The following DNAH7 variants were observed in gnomAD, a reference collection of about 807,000 sequenced individuals.
DNAH7 encodes axonemal beta dynein heavy chain 7.
In DNAH7, 397 loss-of-function variants were observed where a neutral mutation model predicts 444.6. The observed-to-expected ratio is 0.89, with a 90% CI of 0.82 to 0.97. The LOEUF (loss-of-function observed/expected upper bound fraction) is 0.97, where lower values mean the gene tolerates loss of function less well. Ranked by LOEUF, DNAH7 falls within the 50% of genes least tolerant of loss-of-function variation. DNAH7 has a pLI of 0.00. For missense variants in DNAH7, 4,902 were observed against 4,800.8 expected, an observed-to-expected ratio of 1.02 and a Z score of -0.62; for synonymous variants, 1,636 against 1,624.4, an observed-to-expected ratio of 1.01 and a Z score of -0.17.
At chr2:195,959,086 TAATTA>T (rs1559273982) in intron 18 of DNAH7, among the ~76,000 whole-genome samples, 2 of 151,650 alleles carry the variant, frequency 1.3e-5, no homozygotes, top group African/African-American at 2.4e-5. Flanking sequence ...TTAATTAATT[TAATTA>T]AATAGCAACA....
intron 30 of DNAH7, chr2:195,893,896 TTTATA>T (rs1702155861): frequency 6.6e-6 from 1 of 152,024 alleles, no homozygotes; most frequent in African/African-American, 2.4e-5. Flanking sequence ...GAGACTTTAT[TTTATA>T]TATGTATATA....
chr2:196,006,078 C>T (rs1343169748), intron 10 of DNAH7, among the ~76,000 whole-genome samples: 1 of 152,130 alleles, frequency 6.6e-6, no homozygotes, highest in Non-Finnish European at 1.5e-5. Flanking sequence ...CTTTGGGAGG[C>T]TGAGTCAGGA....
At chr2:195,817,037 A>C in intron 50 of DNAH7, 74 bp from the exon 51 acceptor site, 1 of 1,108,620 alleles carries the variant, frequency 9.0e-7, no homozygotes, top group Non-Finnish European at 1.3e-6. Flanking sequence ...TTCTTTTATA[A>C]GAAACAAAGA....
rs752239168 is a variant in DNAH7, at chr2:195,845,007, G to A, written c.8940C>T (p.Ile2980=). 6.2e-7 allele frequency: 1 copy of A among 1,612,506 alleles called. No individual in the cohort carries two copies. The highest frequency in any genetic ancestry group is 1.7e-5 in the Admixed American group (1 of 59,878). The part of the protein sequence containing the change: ...SDSFSIDNGI[I]IMNARRWPLM... ...GAGAAAAATATTTTTCTTACATTAT[G>A]ATTATCCCATTATCAATGGAAAATG... Residue 2980 remains isoleucine (I), a synonymous_variant, in exon 47 of 65, where the codon ATC becomes ATT. Transcript: ENST00000312428.
rs753046205 is a variant in DNAH7, at chr2:195,864,654, C to T, written c.7001G>A (p.Arg2334His). The T allele has an allele frequency of 3.0e-5, 49 of 1,614,142 alleles. No homozygotes were observed. Among genetic ancestry groups the T allele is most frequent in the East Asian group, 4.5e-5 (2 of 44,886 alleles). ...AACCCCTACTAGGAGAGCATGGCTGCGAGGCTGCTTCAGGATCCTGGAAAT... is the reference window on the plus strand; with the variant it reads ...AACCCCTACTAGGAGAGCATGGCTGTGAGGCTGCTTCAGGATCCTGGAAAT... ...SRISRILKQPRSHALLVGVGG... is the reference protein window; with the variant it reads ...SRISRILKQPHSHALLVGVGG... Residue 2334 changes from arginine (R) to histidine (H), a missense_variant, in exon 41 of 65, where the codon CGC becomes CAC. Transcript: ENST00000312428.
At chr2:195,830,836 A>G (rs1698033998) in intron 48 of DNAH7, among the ~76,000 whole-genome samples, 1 of 152,172 alleles carries the variant, frequency 6.6e-6, no homozygotes. Context: ...TGCCCCTTTA[A>G]CCTATAAGCT....
At chr2:195,751,506 G>A (rs1401234902) in intron 63 of DNAH7, among the ~76,000 whole-genome samples, 1 of 152,160 alleles carries the variant, frequency 6.6e-6, no homozygotes, top group Non-Finnish European at 1.5e-5. Flanking sequence ...TATCTGTACT[G>A]TAGTGAGGGA....
chr2:195,923,549 C>G, intron 23 of DNAH7, 46 bp downstream of exon 23: 1 of 1,575,206 alleles, frequency 6.3e-7, no homozygotes, highest in African/African-American at 1.3e-5. Context: ...TTTAAAACTA[C>G]GAGCTGAAAT....
chr2:195,744,305 T>G (rs1574351202), intron 63 of DNAH7, among the ~76,000 whole-genome samples: 1 of 152,094 alleles, frequency 6.6e-6, no homozygotes, highest in African/African-American at 2.4e-5. Flanking sequence ...GCAGTGAGGC[T>G]GGGGGAGGGG....
chr2:195,934,722 T>C lies in DNAH7; in HGVS notation c.3340A>G (p.Ile1114Val). ...CCTTCGCTGCTCTTCATGTGAGTAA[T>C]GTCTAAAGTTTCCGTAAATTCTACC... is the stretch of plus-strand genomic sequence containing the variant. ...AKVEFTETLD[I>V]THMKSSEGEV... is the part of the protein sequence containing the mutation. Residue 1114 changes from isoleucine (I) to valine (V), a missense_variant, in exon 21 of 65, where the codon ATT (isoleucine) becomes GTT (valine). Transcript: ENST00000312428. The C allele has an allele frequency of 1.2e-6, 2 of 1,614,142 alleles. No individual in the cohort carries two copies. The highest frequency in any genetic ancestry group is 1.7e-6 in the Non-Finnish European group (2 of 1,179,998).
At chr2:196,033,096 T>G (rs567556456) in intron 5 of DNAH7, among the ~76,000 whole-genome samples, 1 of 152,282 alleles carries the variant, frequency 6.6e-6, no homozygotes, top group East Asian at 1.9e-4. Context: ...GGAAAGGAAA[T>G]GATAAAAGAT....
At chr2:195,848,705 G>A (rs927723047) in intron 46 of DNAH7, among the ~76,000 whole-genome samples, 2 of 152,208 alleles carry the variant, frequency 1.3e-5, no homozygotes, top group African/African-American at 4.8e-5. Context: ...TATGGTAAAT[G>A]GGATGGAATT....
intron 39 of DNAH7, among the ~76,000 whole-genome samples, chr2:195,872,944 AAGT>A (rs56406816): frequency 0.089 from 13,541 of 152,216 alleles, 654 homozygotes; most frequent in African/African-American, 0.12. Flanking sequence ...AAAAAAAGGA[AAGT>A]AAAACAGTGA....
chr2:195,806,146 C>T (rs542805178), intron 54 of DNAH7, among the ~76,000 whole-genome samples: 16 of 151,424 alleles, frequency 1.1e-4, no homozygotes, highest in Admixed American at 7.2e-4. Flanking sequence ...TTTGTGGTAT[C>T]GGTCAATATT....
At chr2:195,803,438 T>C (rs1696567899) in intron 54 of DNAH7, among the ~76,000 whole-genome samples, 1 of 152,256 alleles carries the variant, frequency 6.6e-6, no homozygotes, top group Non-Finnish European at 1.5e-5. Context: ...TGTTTCACTC[T>C]TAATGTCGAA....
At chr2:195,868,860 G>A (rs1244795678) in intron 40 of DNAH7, among the ~76,000 whole-genome samples, 1 of 148,776 alleles carries the variant, frequency 6.7e-6, no homozygotes, top group Non-Finnish European at 1.5e-5. Context: ...ACCATTTAGT[G>A]AAATTATATA....
In DNAH7 at chr2:195,799,408, G is replaced by T. The variant is rs529677125; in HGVS notation, c.10241C>A (p.Pro3414His). ...RLGRAFIEPP[P>H]FDLAKAFGDS... is the part of the protein sequence containing the mutation. ...TCCAAATGCCTTGGCTAAATCAAAG[G>T]GGGGTGGTTCAATGAATGCACGTCC... The change falls in exon 55 of 65, where the codon CCC becomes CAC. Residue 3414 changes from proline to histidine, a missense_variant. By Grantham distance (77) the Pro-to-His change is moderately conservative. Transcript: ENST00000312428. The T allele has an allele frequency of 8.7e-6, 14 of 1,610,784 alleles. No individual in the cohort carries two copies. The Admixed American group carries it at 1.7e-4, about 19-fold the overall frequency.
intron 12 of DNAH7, chr2:195,994,801 A>G: frequency 2.2e-6 from 1 of 461,762 alleles, no homozygotes; most frequent in Non-Finnish European, 4.2e-6. Flanking sequence ...TTTGAGGTCC[A>G]GGGTATAGCT....
At chr2:195,751,308 T>C (rs2105902082) in intron 63 of DNAH7, among the ~76,000 whole-genome samples, 1 of 152,348 alleles carries the variant, frequency 6.6e-6, no homozygotes, top group Non-Finnish European at 1.5e-5. Context: ...TAAAACTGTT[T>C]AAGTATTAGA....
Sources: allele counts gnomAD v4.1 joint callset (sites outside exome capture counted in the v4.1 genomes callset), GRCh38; gene constraint gnomAD v4.1.1; transcripts MANE v1.5; gene names NCBI Gene and HGNC (gene_info 2026-07-23, HGNC 2026-07-21).